Variants in CDK8 observed in about 807,000 individuals in gnomAD.
CDK8 encodes the protein cyclin dependent kinase 8, also known as cyclin-dependent kinase 8.
CDK8 carries 29 observed loss-of-function variants against 71.5 expected under a neutral mutation model. The observed-to-expected ratio is 0.41, with a 90% CI of 0.30 to 0.55. The LOEUF is 0.55. Ranked by LOEUF, CDK8 falls within the 20% of genes least tolerant of loss-of-function variation. CDK8 has a pLI of 0.37. For missense variants in CDK8, 288 were observed against 572.6 expected (o/e 0.50, Z 5.07); for synonymous variants, 161 against 192.1 (o/e 0.84, Z 1.34).
chr13:26,348,993 CT>C, intron 2 of CDK8, 78 bp from the exon 3 acceptor site: 1 of 867,958 alleles, frequency 1.2e-6, no homozygotes. Context: ...TTTGTATTGC[CT>C]TTGAATTACA....
chr13:26,278,575 C>A (rs781068152), intron 1 of CDK8, among the ~76,000 whole-genome samples: 2 of 152,086 alleles, frequency 1.3e-5, no homozygotes, highest in East Asian at 3.9e-4. Flanking sequence ...GGAAGCTATG[C>A]GGAGCAAGCT....
chr13:26,277,385 C>T (rs1309486438), intron 1 of CDK8, among the ~76,000 whole-genome samples: 1 of 152,172 alleles, frequency 6.6e-6, no homozygotes, highest in Non-Finnish European at 1.5e-5. Flanking sequence ...GCTAGGTATT[C>T]AAGCCTGGCT....
At chr13:26,269,528 G>T (rs1201453019) in intron 1 of CDK8, among the ~76,000 whole-genome samples, 1 of 151,516 alleles carries the variant, frequency 6.6e-6, no homozygotes, top group African/African-American at 2.4e-5. Context: ...TCTCTTACTT[G>T]ATCTATTTCT....
At chr13:26,370,674 T>TA (rs1310383555) in intron 4 of CDK8, among the ~76,000 whole-genome samples, 3 of 152,192 alleles carry the variant, frequency 2.0e-5, no homozygotes, top group Non-Finnish European at 2.9e-5. Flanking sequence ...GCAGTAGTGC[T>TA]ATCCAACTGC....
At chr13:26,308,564 A>G (rs1444554810) in intron 1 of CDK8, among the ~76,000 whole-genome samples, 1 of 152,244 alleles carries the variant, frequency 6.6e-6, no homozygotes, top group African/African-American at 2.4e-5. Flanking sequence ...ATAAATGTAC[A>G]TAAGTTTTGG....
At chr13:26,321,339 T>C (rs573565446) in intron 1 of CDK8, among the ~76,000 whole-genome samples, 1 of 152,176 alleles carries the variant, frequency 6.6e-6, no homozygotes, top group African/African-American at 2.4e-5. Flanking sequence ...GTAATTAAGA[T>C]CATAGAGACA....
chr13:26,403,643 A>G (rs1876370925), intron 12 of CDK8, among the ~76,000 whole-genome samples: 1 of 152,130 alleles, frequency 6.6e-6, no homozygotes, highest in Non-Finnish European at 1.5e-5. Context: ...TTCTGGGTAA[A>G]CATCTCAAGC....
At chr13:26,313,641 T>C (rs1874386178) in intron 1 of CDK8, among the ~76,000 whole-genome samples, 1 of 152,214 alleles carries the variant, frequency 6.6e-6, no homozygotes, top group Non-Finnish European at 1.5e-5. Context: ...ATATTTAATC[T>C]CCAAAGTGTA....
chr13:26,284,942 CAAA>C (rs59801630), intron 1 of CDK8, among the ~76,000 whole-genome samples: 2 of 145,174 alleles, frequency 1.4e-5, no homozygotes, highest in Admixed American at 6.8e-5. Flanking sequence ...CAAAAATCCT[CAAA>C]AAAAAAAAAA....
chr13:26,360,250 G>A (rs1874075428), intron 4 of CDK8, among the ~76,000 whole-genome samples: 1 of 152,152 alleles, frequency 6.6e-6, no homozygotes, highest in Non-Finnish European at 1.5e-5. Flanking sequence ...GAGGCCAGAA[G>A]TTAGAGACCA....
intron 1 of CDK8, among the ~76,000 whole-genome samples, chr13:26,310,665 A>G (rs957677796): frequency 1.3e-5 from 2 of 152,140 alleles, no homozygotes; most frequent in Non-Finnish European, 2.9e-5. Flanking sequence ...GGGAGTGGCT[A>G]TAAATACAGA....
chr13:26,365,255 A>G lies in CDK8; in HGVS notation c.456+11375A>G, dbSNP rs1351083234. 3.3e-5 allele frequency among the ~76,000 whole-genome samples: 5 copies of G among 152,266 alleles called. No individual in the cohort carries two copies. In the South Asian group the frequency reaches 1.0e-3, roughly 32 times the overall value. ...ATTAATTTCAGTTAACATTGTGACTATTGTGCTTATTCTAAAGTATTCTTA... is the reference window on the plus strand; with the variant it reads ...ATTAATTTCAGTTAACATTGTGACTGTTGTGCTTATTCTAAAGTATTCTTA... On this transcript the variant is annotated intron_variant, in intron 4 of 12. Transcript: ENST00000381527.
At chr13:26,319,763 A>G (rs1165670298) in intron 1 of CDK8, among the ~76,000 whole-genome samples, 1 of 151,964 alleles carries the variant, frequency 6.6e-6, no homozygotes, top group East Asian at 1.9e-4. Context: ...CATATTCACA[A>G]CAGTCTTGAA....
At chr13:26,271,806 CTTTTTTTTTTTTTTTTTTTTTTT>C (rs58160694) in intron 1 of CDK8, among the ~76,000 whole-genome samples, 35 of 62,670 alleles carry the variant, frequency 5.6e-4, no homozygotes, top group Middle Eastern at 8.8e-3. Context: ...GAGACCCTGT[CTTTTTTTTTTTTTTTTTTTTTTT>C]TTTTTTTTTT....
chr13:26,325,323 G>A (rs761970938), intron 1 of CDK8, among the ~76,000 whole-genome samples: 1 of 152,150 alleles, frequency 6.6e-6, no homozygotes, highest in Non-Finnish European at 1.5e-5. Context: ...TATGGCAAGG[G>A]ACCTTAAACA....
intron 1 of CDK8, among the ~76,000 whole-genome samples, chr13:26,323,979 TGTTTGTACCA>T (rs1434418894): frequency 6.6e-6 from 1 of 152,132 alleles, no homozygotes; most frequent in African/African-American, 2.4e-5. Context: ...GTCCCTAACA[TGTTTGTACCA>T]GTTTGTACTC....
chr13:26,317,226 AAGG>A (rs1874550561), intron 1 of CDK8, among the ~76,000 whole-genome samples: 1 of 152,026 alleles, frequency 6.6e-6, no homozygotes, highest in Admixed American at 6.5e-5. Context: ...AGAGACAAAG[AAGG>A]AGATTATATA....
chr13:26,356,478 C>T (rs1265529991), intron 4 of CDK8, among the ~76,000 whole-genome samples: 1 of 152,140 alleles, frequency 6.6e-6, no homozygotes, highest in Non-Finnish European at 1.5e-5. Flanking sequence ...GTGTCTCACG[C>T]ACGCAGAAGT....
intron 4 of CDK8, among the ~76,000 whole-genome samples, chr13:26,364,142 C>T (rs1387228102): frequency 6.6e-6 from 1 of 152,128 alleles, no homozygotes; most frequent in East Asian, 1.9e-4. Context: ...CAAAGCTGGA[C>T]TACCGAATTT....
Sources: allele counts gnomAD v4.1 joint callset (sites outside exome capture counted in the v4.1 genomes callset), GRCh38; gene constraint gnomAD v4.1.1; transcripts MANE v1.5; gene names NCBI Gene and HGNC (gene_info 2026-07-23, HGNC 2026-07-21).